HYAL4: variants seen among roughly 807,000 people sequenced by gnomAD.
HYAL4 encodes the protein hyaluronidase 4.
A neutral mutation model predicts 35.2 loss-of-function variants in HYAL4; 37 were observed. The observed-to-expected ratio is 1.05, with a 90% CI of 0.81 to 1.38. The LOEUF (loss-of-function observed/expected upper bound fraction) is 1.38. Ranked by LOEUF, HYAL4 falls within the 40% of genes most tolerant of loss-of-function variation. HYAL4 has a pLI of 0.00. For synonymous variants in HYAL4, 198 were observed against 203.2 expected (o/e 0.97, Z 0.22); for missense variants, 572 against 572.4 (o/e 1.00, Z 0.01).
chr7:123,816,121 C>A, the HYAL4 span, among the ~76,000 whole-genome samples: 1 of 152,052 alleles, frequency 6.6e-6, no homozygotes, highest in African/African-American at 2.4e-5. Context: ...TTGATGGGGG[C>A]ACTTCTTATA....
intron 2 of HYAL4, among the ~76,000 whole-genome samples, chr7:123,862,962 T>C (rs1806607446): frequency 6.6e-6 from 1 of 152,192 alleles, no homozygotes; most frequent in South Asian, 2.1e-4. Flanking sequence ...ACTGACCTCT[T>C]CAAAGGTCTT....
intron 3 of HYAL4, among the ~76,000 whole-genome samples, chr7:123,870,626 G>T (rs909166964): frequency 2.6e-5 from 4 of 152,000 alleles, no homozygotes; most frequent in Non-Finnish European, 4.4e-5. Flanking sequence ...GCTAGGTGTG[G>T]TGGTGGGTAC....
intron 3 of HYAL4, among the ~76,000 whole-genome samples, chr7:123,873,233 A>G (rs911527773): frequency 7.2e-5 from 11 of 152,118 alleles, no homozygotes; most frequent in African/African-American, 2.4e-4. Flanking sequence ...TTTCATTTAT[A>G]CTATCTCATT....
chr7:123,783,469 A>T, the HYAL4 span, among the ~76,000 whole-genome samples: 3 of 152,230 alleles, frequency 2.0e-5, no homozygotes, highest in Non-Finnish European at 4.4e-5. Flanking sequence ...AAATGAAGTG[A>T]TATTAAAACA....
At chr7:123,809,659 A>T in the HYAL4 span, among the ~76,000 whole-genome samples, 9 of 151,984 alleles carry the variant, frequency 5.9e-5, no homozygotes, top group Non-Finnish European at 1.2e-4. Context: ...TCAGCCTCCT[A>T]AAGTGCTGGT....
chr7:123,793,189 C>T, the HYAL4 span, among the ~76,000 whole-genome samples: 4 of 152,212 alleles, frequency 2.6e-5, no homozygotes, highest in Non-Finnish European at 5.9e-5. Context: ...TACAGAGGGT[C>T]TCATGCCATG....
At chr7:123,803,372 T>G in the HYAL4 span, among the ~76,000 whole-genome samples, 1 of 152,204 alleles carries the variant, frequency 6.6e-6, no homozygotes, top group Non-Finnish European at 1.5e-5. Context: ...CTAGACTGAT[T>G]TACTCATAAA....
chr7:123,816,261 A>G, the HYAL4 span, among the ~76,000 whole-genome samples: 1 of 152,216 alleles, frequency 6.6e-6, no homozygotes, highest in Non-Finnish European at 1.5e-5. Context: ...AACATAGAAT[A>G]CAGCAAATCC....
At chr7:123,868,052 A>G (rs539503988) in intron 2 of HYAL4, among the ~76,000 whole-genome samples, 171 bp from the exon 3 acceptor site, 92 of 152,262 alleles carry the variant, frequency 6.0e-4, no homozygotes, top group African/African-American at 2.1e-3. Context: ...CTGCCCCTGA[A>G]TAGAAGCTAG....
intron 3 of HYAL4, among the ~76,000 whole-genome samples, chr7:123,872,663 A>C (rs1384231244): frequency 2.0e-5 from 3 of 152,302 alleles, no homozygotes; most frequent in Admixed American, 6.5e-5. Flanking sequence ...TAATGTGACA[A>C]CACCACTGTG....
the HYAL4 span, among the ~76,000 whole-genome samples, chr7:123,799,172 A>G: frequency 6.6e-6 from 1 of 152,128 alleles, no homozygotes; most frequent in Non-Finnish European, 1.5e-5. Flanking sequence ...TGATAAAGTA[A>G]TGTCATTTCT....
In HYAL4 at chr7:123,838,722, G is replaced by A. The variant is rs116039701; in HGVS notation, c.-256-5523G>A. 8.7e-3 allele frequency among the ~76,000 whole-genome samples: 1,330 copies of A among 152,124 alleles called. 22 individuals are homozygous for A. The highest frequency in any genetic ancestry group is 0.03 in the African/African-American group (1,258 of 41,502). On this transcript the variant is annotated intron_variant, in intron 1 of 4. Coordinates refer to the HYAL4 transcript ENST00000489978. ...GGAAGTTTTCCTCAATTATTCCCCCGAATATGTTTTTTTAAACTTTTAGAT... is the reference window on the plus strand; with the variant it reads ...GGAAGTTTTCCTCAATTATTCCCCCAAATATGTTTTTTTAAACTTTTAGAT...
the HYAL4 span, among the ~76,000 whole-genome samples, chr7:123,770,003 TA>T: frequency 6.6e-6 from 1 of 151,792 alleles, no homozygotes. Context: ...AAACAATATT[TA>T]AAAAGAGAGG....
chr7:123,816,616 C>CT, the HYAL4 span, among the ~76,000 whole-genome samples: 4 of 151,984 alleles, frequency 2.6e-5, no homozygotes, highest in Non-Finnish European at 5.9e-5. Flanking sequence ...ACTTTTTAAT[C>CT]TTTTTTATTT....
the HYAL4 span, among the ~76,000 whole-genome samples, chr7:123,776,224 A>G: frequency 1.3e-5 from 2 of 152,210 alleles, no homozygotes; most frequent in African/African-American, 4.8e-5. Context: ...AAGCCTAAGA[A>G]GAGCGTGATT....
chr7:123,807,779 T>C, the HYAL4 span, among the ~76,000 whole-genome samples: 1 of 151,852 alleles, frequency 6.6e-6, no homozygotes, highest in East Asian at 1.9e-4. Context: ...TCACCCAGGC[T>C]GGAGTGCAGT....
In HYAL4 at chr7:123,868,310, G is replaced by A. The variant is rs377431401; in HGVS notation, c.37G>A (p.Val13Ile). 165 of 1,577,318 alleles carry A rather than the reference G, an allele frequency of 1.0e-4. No homozygotes were observed. Among genetic ancestry groups the A allele is most frequent in the Admixed American group, 5.3e-4 (26 of 48,978 alleles). The change falls in exon 3 of 5, where the codon GTT becomes ATT. Residue 13 changes from valine to isoleucine, a missense_variant. By Grantham distance (29) the Val-to-Ile change is conservative. Transcript: ENST00000223026. ...ATCTGAAGGACAGTTAAAGCTTTGT[G>A]TTGTTCAACCAGTACATCTCACTTC... ...VLSEGQLKLC[V>I]VQPVHLTSWL...
the HYAL4 span, among the ~76,000 whole-genome samples, chr7:123,809,954 C>T: frequency 6.6e-6 from 1 of 152,194 alleles, no homozygotes; most frequent in Non-Finnish European, 1.5e-5. Context: ...TAGTCACCTA[C>T]AGATCCTTAG....
chr7:123,830,253 G>T lies in HYAL4; in HGVS notation c.-257+1129G>T, dbSNP rs139811968. ...ATGAGTATCATCAATTATGTCTTAT[G>T]CTGAGATGAACATTTTTTTCTAAAA... On this transcript the variant is annotated intron_variant, in intron 1 of 4. Coordinates refer to the HYAL4 transcript ENST00000489978. Among the ~76,000 whole-genome samples, 548 of 152,218 alleles carry T rather than the reference G, an allele frequency of 3.6e-3. 3 individuals carry two copies. Among genetic ancestry groups the T allele is most frequent in the African/African-American group, 0.012 (519 of 41,544 alleles).
Sources: gnomAD v4.1 joint callset for allele counts (sites outside exome capture counted in the v4.1 genomes callset) on GRCh38, gnomAD v4.1.1 for gene constraint, MANE v1.5 for transcripts, NCBI Gene and HGNC (gene_info 2026-07-23, HGNC 2026-07-21) for gene names.